WWOX: variants seen among roughly 807,000 people sequenced by gnomAD.
WWOX encodes the protein WW domain containing oxidoreductase, also known as WW domain-containing oxidoreductase.
In WWOX, 69 loss-of-function variants were observed where a neutral mutation model predicts 46.2. The ratio of observed to expected loss-of-function variants is 1.49; its 90% confidence interval spans 1.23 to 1.82. WWOX has a LOEUF of 1.82. WWOX is among the 40% of genes most tolerant of loss of function. The pLI is 0.00. For synonymous variants in WWOX, 359 were observed against 202.6 expected, an observed-to-expected ratio of 1.77 and a Z score of -6.56; for missense variants, 919 against 542.6, an observed-to-expected ratio of 1.69 and a Z score of -6.89.
intron 8 of WWOX, among the ~76,000 whole-genome samples, chr16:78,829,363 G>C (rs893426318): frequency 6.6e-6 from 1 of 152,162 alleles, no homozygotes; most frequent in African/African-American, 2.4e-5. Context: ...TTCTTACTCA[G>C]ACTTTTGTTT....
chr16:78,129,032 GAAC>G (rs1464631398), intron 4 of WWOX, among the ~76,000 whole-genome samples: 3 of 152,152 alleles, frequency 2.0e-5, no homozygotes, highest in African/African-American at 4.8e-5. Flanking sequence ...TCCATATGGG[GAAC>G]ATCTCAGTCA....
chr16:79,030,526 C>G (rs1002138080), intron 8 of WWOX, among the ~76,000 whole-genome samples: 16 of 152,290 alleles, frequency 1.1e-4, no homozygotes, highest in Middle Eastern at 6.8e-3. Flanking sequence ...TGACACCAGA[C>G]CAGGCGTGAT....
chr16:78,737,280 A>G (rs910045120), intron 8 of WWOX, among the ~76,000 whole-genome samples: 1 of 151,204 alleles, frequency 6.6e-6, no homozygotes, highest in Non-Finnish European at 1.5e-5. Flanking sequence ...TTGTATGTAT[A>G]TGTGTATATA....
intron 8 of WWOX, among the ~76,000 whole-genome samples, chr16:78,575,660 AAGCCT>A (rs2044860449): frequency 6.6e-6 from 1 of 152,170 alleles, no homozygotes; most frequent in Admixed American, 6.5e-5. Flanking sequence ...ACAGTTTTGA[AAGCCT>A]AGCCTGAATA....
intron 8 of WWOX, among the ~76,000 whole-genome samples, chr16:79,052,442 A>G (rs1382619891): frequency 6.6e-6 from 1 of 152,236 alleles, no homozygotes; most frequent in Non-Finnish European, 1.5e-5. Context: ...GTGTATACCC[A>G]AAGGACTATA....
At chr16:79,149,631 A>G (rs1392472461) in intron 8 of WWOX, among the ~76,000 whole-genome samples, 2 of 152,212 alleles carry the variant, frequency 1.3e-5, no homozygotes, top group East Asian at 1.9e-4. Context: ...ATAAGAACCA[A>G]TGAGCATTTA....
intron 5 of WWOX, among the ~76,000 whole-genome samples, chr16:78,358,047 G>A (rs1188161279): frequency 2.6e-5 from 4 of 152,258 alleles, no homozygotes; most frequent in East Asian, 1.9e-4. Flanking sequence ...CCATATGCAC[G>A]AGAACTTTTT....
chr16:78,924,738 T>A (rs952529115), intron 8 of WWOX, among the ~76,000 whole-genome samples: 4 of 152,260 alleles, frequency 2.6e-5, no homozygotes, highest in Non-Finnish European at 4.4e-5. Context: ...GGTCATTCTG[T>A]AGAGCTTCCT....
Position 78,952,150 on chromosome 16 carries a change from C to T in WWOX, c.1057-259458C>T, listed in dbSNP as rs993785378. Among the ~76,000 whole-genome samples, 16 of 152,132 alleles carry T rather than the reference C, an allele frequency of 1.1e-4. No homozygotes were observed. In the East Asian group the frequency reaches 1.6e-3, roughly 15 times the overall value. ...CACTGTTATCATTGTAACCCTCTACCCTCTCTTTTGGCTTCCTGCAGTTGC... is the reference window on the plus strand; with the variant it reads ...CACTGTTATCATTGTAACCCTCTACTCTCTCTTTTGGCTTCCTGCAGTTGC... On this transcript the variant is annotated intron_variant, in intron 8 of 8. Transcript: ENST00000566780.
intron 5 of WWOX, among the ~76,000 whole-genome samples, chr16:78,238,379 A>T (rs924502170): frequency 1.3e-5 from 2 of 150,012 alleles, no homozygotes; most frequent in Non-Finnish European, 3.0e-5. Flanking sequence ...AGCTCAGAGA[A>T]GCCTCGACCT....
At chr16:78,459,774 A>G (rs1266264145) in intron 8 of WWOX, among the ~76,000 whole-genome samples, 1 of 152,136 alleles carries the variant, frequency 6.6e-6, no homozygotes, top group African/African-American at 2.4e-5. Context: ...TGATGCTGCA[A>G]CTGAAAAATT....
intron 5 of WWOX, among the ~76,000 whole-genome samples, chr16:78,269,354 G>T (rs1375277329): frequency 6.6e-6 from 1 of 152,160 alleles, no homozygotes; most frequent in Non-Finnish European, 1.5e-5. Context: ...ACTCAGAAAG[G>T]GACGCAAAAG....
chr16:78,732,187 GACTT>G (rs2048986017), intron 8 of WWOX, among the ~76,000 whole-genome samples: 1 of 151,984 alleles, frequency 6.6e-6, no homozygotes, highest in Non-Finnish European at 1.5e-5. Context: ...CACCTTTACT[GACTT>G]ACTTATTACT....
intron 8 of WWOX, among the ~76,000 whole-genome samples, chr16:78,574,940 A>G (rs903224202): frequency 1.2e-4 from 17 of 138,130 alleles, no homozygotes; most frequent in Non-Finnish European, 2.6e-4. Context: ...TACACAATGT[A>G]TATAGTAATC....
chr16:78,622,273 T>C (rs2046208104), intron 8 of WWOX, among the ~76,000 whole-genome samples: 1 of 152,152 alleles, frequency 6.6e-6, no homozygotes, highest in Non-Finnish European at 1.5e-5. Context: ...CTGGTCGCAG[T>C]GGCTCATGCT....
intron 5 of WWOX, among the ~76,000 whole-genome samples, chr16:78,196,699 A>G (rs979835811): frequency 1.3e-5 from 2 of 152,220 alleles, no homozygotes; most frequent in African/African-American, 4.8e-5. Context: ...AAATAATAGC[A>G]TTAGCTCTGA....
intron 4 of WWOX, among the ~76,000 whole-genome samples, chr16:78,143,567 C>T (rs1175595817): frequency 6.6e-6 from 1 of 152,070 alleles, no homozygotes; most frequent in African/African-American, 2.4e-5. Flanking sequence ...GACCCTATGG[C>T]CAGCAAAGCC....
At chr16:79,063,227 T>C (rs967782831) in intron 8 of WWOX, among the ~76,000 whole-genome samples, 1 of 152,180 alleles carries the variant, frequency 6.6e-6, no homozygotes, top group African/African-American at 2.4e-5. Flanking sequence ...CGAGGTATTT[T>C]GGATAAAAAA....
chr16:78,782,727 A>G (rs901028754), intron 8 of WWOX, among the ~76,000 whole-genome samples: 1 of 135,908 alleles, frequency 7.4e-6, no homozygotes, highest in African/African-American at 2.8e-5. Flanking sequence ...AATTTGAGGT[A>G]TTTCAGACAA....
Sources: gnomAD v4.1 joint callset for allele counts (sites outside exome capture counted in the v4.1 genomes callset) on GRCh38, gnomAD v4.1.1 for gene constraint, MANE v1.5 for transcripts, NCBI Gene and HGNC (gene_info 2026-07-23, HGNC 2026-07-21) for gene names.